The following WNK1 variants were observed in gnomAD, a reference collection of about 807,000 sequenced individuals.
WNK1 encodes the protein WNK lysine deficient protein kinase 1, also known as serine/threonine-protein kinase WNK1.
Under a neutral mutation model 222.8 loss-of-function variants are expected in WNK1, and 38 were observed. The ratio of observed to expected loss-of-function variants is 0.17; its 90% confidence interval spans 0.13 to 0.22. The LOEUF (loss-of-function observed/expected upper bound fraction) is 0.22. Among genes scored for constraint, WNK1 ranks in the 10% least tolerant of loss-of-function variants. The probability of loss-of-function intolerance (pLI) is 1.00; values close to 1 mark genes in which losing one functional copy is unlikely to be tolerated. For synonymous variants in WNK1, 1,090 were observed against 1,092.9 expected, an observed-to-expected ratio of 1.00 and a Z score of 0.05; for missense variants, 2,348 against 2,918.4, an observed-to-expected ratio of 0.80 and a Z score of 4.50.
In WNK1 at chr12:910,817, TGA is replaced by T. The variant is rs2154105904; in HGVS notation, c.*2029_*2030del. 6.6e-6 allele frequency: 1 copy of T among 152,482 alleles called. No individual in the cohort carries two copies. Among genetic ancestry groups the T allele is most frequent in the South Asian group, 2.1e-4 (1 of 4,822 alleles). The allele number at this position is 152,482 out of a possible 1,614,324, so 9.4% of individuals were successfully genotyped here. On this transcript the variant is annotated 3_prime_UTR_variant, in exon 28 of 28. Coordinates refer to ENST00000315939, the MANE Select transcript of WNK1 (RefSeq NM_018979.4). ...TGGTCTACGGCCCTAAATATGCAAA[TGA>T]GAGCTGAAGGTTTTTAAAAGGTAGA...
intron 1 of WNK1, among the ~76,000 whole-genome samples, chr12:761,225 G>A (rs1025478386): frequency 6.8e-6 from 1 of 147,764 alleles, no homozygotes; most frequent in Non-Finnish European, 1.5e-5. Context: ...TTTTCAGGTG[G>A]GGTTTCATAA....
intron 1 of WNK1, among the ~76,000 whole-genome samples, chr12:779,278 C>A (rs1340378198): frequency 2.0e-5 from 3 of 151,958 alleles, no homozygotes; most frequent in Non-Finnish European, 2.9e-5. Context: ...ATTTCGAATT[C>A]CCTGTTGGGA....
chr12:817,122 A>G (rs1406587765), intron 2 of WNK1, among the ~76,000 whole-genome samples: 1 of 152,228 alleles, frequency 6.6e-6, no homozygotes, highest in Non-Finnish European at 1.5e-5. Context: ...AATGAGCAAC[A>G]GAACACACAA....
intron 4 of WNK1, among the ~76,000 whole-genome samples, chr12:839,548 G>GT (rs1054877397): frequency 6.6e-6 from 1 of 152,016 alleles, no homozygotes; most frequent in African/African-American, 2.4e-5. Flanking sequence ...AACCTCATTT[G>GT]TTTTTTTCCA....
chr12:791,564 A>T (rs1944844576), intron 1 of WNK1, among the ~76,000 whole-genome samples: 1 of 150,816 alleles, frequency 6.6e-6, no homozygotes, highest in Non-Finnish European at 1.5e-5. Context: ...TCTTTTTTAA[A>T]AAAAAAAAAA....
At position 902,211 on chromosome 12, in the gene WNK1, A is replaced by ATT. The variant is rs1955325279; in HGVS notation, c.6643+1542_6643+1543dup. Among the ~76,000 whole-genome samples the ATT allele has an allele frequency of 5.3e-5, 8 of 151,566 alleles. No individual in the cohort carries two copies. In the South Asian group the frequency reaches 1.7e-3, roughly 32 times the overall value. The stretch of plus-strand genomic sequence containing the variant: ...CTGCCCAGGAGGCTGAGGCGGGAGG[A>ATT]TTACCACCTTAAGACCAGGAGGTTG... On this transcript the variant is annotated intron_variant, in intron 26 of 27. Transcript: ENST00000315939.
Position 896,378 on chromosome 12 carries a change from A to G in WNK1, c.5891A>G (p.Glu1964Gly). 1 of 1,614,204 alleles carries G rather than the reference A, an allele frequency of 6.2e-7. No homozygotes were observed. Among genetic ancestry groups the G allele is most frequent in the Non-Finnish European group, 8.5e-7 (1 of 1,180,036 alleles). The change falls in exon 24 of 28, where the codon GAG (glutamate) becomes GGG (glycine). Residue 1964 changes from glutamate (E) to glycine (G), a missense_variant. Glu to Gly is a moderately conservative substitution (Grantham distance 98). Transcript: ENST00000315939. The stretch of plus-strand genomic sequence containing the variant: ...GGTCGTTTCTCTGTATCAAAAACTG[A>G]GGACAAGATCACTGACACAAAGAAA... ...KVGRFSVSKT[E>G]DKITDTKKEG...
rs187791525 is a variant in WNK1, at chr12:848,071, T to A, written c.1312-9090T>A. On this transcript the variant is annotated intron_variant, in intron 4 of 27. Coordinates refer to ENST00000315939, the MANE Select transcript of WNK1 (RefSeq NM_018979.4). ...CTGCCCGCTTCGGCCCTCCAAAGTG[T>A]TGGGATTACAGGCGTGAGCCACCGC... Among the ~76,000 whole-genome samples the A allele has an allele frequency of 2.3e-3, 345 of 152,150 alleles. 5 individuals carry two copies. The highest frequency in any genetic ancestry group is 0.02 in the Admixed American group (298 of 15,278).
chr12:808,279 G>A (rs1946565749), intron 1 of WNK1, among the ~76,000 whole-genome samples: 2 of 152,024 alleles, frequency 1.3e-5, no homozygotes, highest in Admixed American at 1.3e-4. Context: ...AGTGAAAGTA[G>A]TTTGCCTTTT....
At chr12:838,003 A>G (rs1565499283) in intron 4 of WNK1, among the ~76,000 whole-genome samples, 1 of 151,956 alleles carries the variant, frequency 6.6e-6, no homozygotes, top group Non-Finnish European at 1.5e-5. Context: ...TTCACTTTGT[A>G]TAGTGTTCTC....
rs1157212455 is a variant in WNK1, at chr12:827,195, C to T, written c.1086C>T (p.Gly362=). ...CDNIFITGPT[G]SVKIGDLGLA... is the part of the protein sequence containing the mutation. Reference sequence around the variant, plus strand: ...ACATCTTTATCACCGGCCCTACTGGCTCAGTCAAGATTGGAGACCTCGGTC... The same window carrying T: ...ACATCTTTATCACCGGCCCTACTGGTTCAGTCAAGATTGGAGACCTCGGTC... Residue 362 remains glycine, a synonymous_variant, in exon 3 of 28, where the codon GGC becomes GGT. Transcript: ENST00000315939. The surrounding 1 kb of genome is among the most constrained non-coding windows in gnomAD (Gnocchi z 4.6). 1 of 1,614,090 alleles carries T rather than the reference C, an allele frequency of 6.2e-7. No homozygotes were observed. Among genetic ancestry groups the T allele is most frequent in the African/African-American group, 1.3e-5 (1 of 74,948 alleles).
chr12:892,108 G>A (rs1449335222), intron 22 of WNK1, among the ~76,000 whole-genome samples: 4 of 149,186 alleles, frequency 2.7e-5, no homozygotes, highest in African/African-American at 9.9e-5. Flanking sequence ...TAAGTTTTAG[G>A]GTACATGTGC....
Position 753,502 on chromosome 12 carries a change from C to T in WNK1, c.-64C>T. On this transcript the variant is annotated 5_prime_UTR_variant, in exon 1 of 28. Coordinates refer to ENST00000315939, the MANE Select transcript of WNK1 (RefSeq NM_018979.4). The surrounding 1 kb of genome is among the most constrained non-coding windows in gnomAD (Gnocchi z 5.2). ...CCTGCAGACCTCTGCGCGGGCGGCTCGGCCCTTCACGCCCTTTTCGTTCAC... is the reference window on the plus strand; with the variant it reads ...CCTGCAGACCTCTGCGCGGGCGGCTTGGCCCTTCACGCCCTTTTCGTTCAC... The T allele has an allele frequency of 1.9e-6, 3 of 1,604,292 alleles. No individual in the cohort carries two copies. The highest frequency in any genetic ancestry group is 2.5e-6 in the Non-Finnish European group (3 of 1,176,980).
At chr12:869,987 CAG>C (rs1490411879) in intron 8 of WNK1, among the ~76,000 whole-genome samples, 1 of 152,046 alleles carries the variant, frequency 6.6e-6, no homozygotes, top group African/African-American at 2.4e-5. Flanking sequence ...AAAGTACAGT[CAG>C]TGTTTACTGT....
intron 4 of WNK1, among the ~76,000 whole-genome samples, chr12:843,942 T>TA (rs1949819725): frequency 1.3e-5 from 2 of 152,206 alleles, no homozygotes; most frequent in Admixed American, 6.5e-5. Context: ...GTTAATTAAA[T>TA]AAAAAGTAGG....
rs757519860 is a variant in WNK1 at position 894,640 on chromosome 12, G to A, written c.5583+5G>A. The A allele has an allele frequency of 1.2e-6, 2 of 1,613,530 alleles. No homozygotes were observed. On this transcript the variant is annotated splice_donor_5th_base_variant and intron_variant, in intron 23 of 27. Transcript: ENST00000315939. ...TTTAAGATGGGACGATTTCAGGTAA[G>A]ACAGTCACTTTGTGTTGCCTTGATT...
intron 1 of WNK1, among the ~76,000 whole-genome samples, chr12:768,074 G>A (rs1421435479): frequency 6.6e-6 from 1 of 152,152 alleles, no homozygotes; most frequent in Non-Finnish European, 1.5e-5. Flanking sequence ...ACATAGAGGG[G>A]CTAGTTTAGG....
intron 1 of WNK1, among the ~76,000 whole-genome samples, chr12:812,618 A>G (rs1399736795): frequency 2.6e-5 from 4 of 152,206 alleles, no homozygotes; most frequent in Admixed American, 1.3e-4. Context: ...CTTATTGGGT[A>G]CTTTTGGCGA....
At chr12:787,186 T>G (rs1944392338) in intron 1 of WNK1, among the ~76,000 whole-genome samples, 1 of 152,180 alleles carries the variant, frequency 6.6e-6, no homozygotes, top group Admixed American at 6.5e-5. Context: ...CTTTTATAGG[T>G]GGTATTGTGG....
Sources: allele counts gnomAD v4.1 joint callset (sites outside exome capture counted in the v4.1 genomes callset), GRCh38; gene constraint gnomAD v4.1.1; non-coding constraint Gnocchi (gnomAD v3.1); transcripts MANE v1.5; gene names NCBI Gene and HGNC (gene_info 2026-07-23, HGNC 2026-07-21).